Variants in MCF2L observed in about 807,000 individuals in gnomAD.
The protein encoded by MCF2L is MCF.2 cell line derived transforming sequence like, also known as guanine nucleotide exchange factor DBS.
Under a neutral mutation model 153.4 loss-of-function variants are expected in MCF2L, and 97 were observed. The observed-to-expected ratio is 0.63, with a 90% CI of 0.54 to 0.75. The LOEUF (loss-of-function observed/expected upper bound fraction) is 0.75. MCF2L is among the 30% of genes least tolerant of loss of function. The pLI is 0.00. For missense variants in MCF2L, 1,347 were observed against 1,495.2 expected (o/e 0.90, Z 1.64); for synonymous variants, 659 against 632.2 (o/e 1.04, Z -0.64).
chr13:113,020,536 C>G (rs147285321), intron 2 of MCF2L, among the ~76,000 whole-genome samples: 1 of 152,232 alleles, frequency 6.6e-6, no homozygotes, highest in Non-Finnish European at 1.5e-5. Flanking sequence ...ATGAAGGCAC[C>G]GGCAGATGTG....
At position 112,969,595 on chromosome 13, in the gene MCF2L, C is replaced by A; in HGVS notation, c.79+137C>A. 1 of 1,450,798 alleles carries A rather than the reference C, an allele frequency of 6.9e-7. No homozygotes were observed. Among genetic ancestry groups the A allele is most frequent in the South Asian group, 1.4e-5 (1 of 73,826 alleles). The allele number at this position is 1,450,798 out of a possible 1,614,324, so 89.9% of individuals were successfully genotyped here. On this transcript the variant is annotated intron_variant, in intron 1 of 29. Coordinates refer to ENST00000535094, the MANE Select transcript of MCF2L (RefSeq NM_001112732.3). This position sits in a 1 kb window ranked among gnomAD's most constrained non-coding sequence, Gnocchi z 4.8. ...CGTGGTAGCTGTGACATGGGGGGCA[C>A]TGGTTGGCAGCTGGTGTGTTTTCAG...
At chr13:113,007,893 T>TA (rs1555363736) in intron 1 of MCF2L, among the ~76,000 whole-genome samples, 1 of 151,168 alleles carries the variant, frequency 6.6e-6, no homozygotes, top group Non-Finnish European at 1.5e-5. Flanking sequence ...AATGGGTTTT[T>TA]AGTATGTGTA....
intron 2 of MCF2L, among the ~76,000 whole-genome samples, chr13:112,906,085 T>A (rs989162085): frequency 2.0e-5 from 3 of 152,192 alleles, no homozygotes; most frequent in Admixed American, 6.5e-5. Flanking sequence ...TGGGTAAACA[T>A]TGATGAGCTT....
At chr13:113,029,433 T>G (rs1354602124) in intron 3 of MCF2L, among the ~76,000 whole-genome samples, 2 of 152,178 alleles carry the variant, frequency 1.3e-5, no homozygotes, top group Non-Finnish European at 2.9e-5. Context: ...CAGAGTGTGT[T>G]AAAAATGTGG....
intron 1 of MCF2L, among the ~76,000 whole-genome samples, chr13:112,987,323 G>A (rs541574945): frequency 6.6e-6 from 1 of 152,364 alleles, no homozygotes; most frequent in Admixed American, 6.5e-5. Flanking sequence ...CCTTGTGGAC[G>A]CAGCCCAGGG....
chr13:112,981,660 C>G (rs1055105883), intron 1 of MCF2L, among the ~76,000 whole-genome samples: 1 of 152,254 alleles, frequency 6.6e-6, no homozygotes, highest in Non-Finnish European at 1.5e-5. Context: ...GGATGACCAC[C>G]AGCTCCTGGC....
intron 2 of MCF2L, among the ~76,000 whole-genome samples, chr13:112,929,048 C>G (rs763837653): frequency 1.3e-5 from 2 of 152,216 alleles, no homozygotes; most frequent in African/African-American, 2.4e-5. Flanking sequence ...AGATGACAAA[C>G]AGAGGTTCAG....
intron 1 of MCF2L, among the ~76,000 whole-genome samples, chr13:112,997,991 G>A (rs1008190447): frequency 2.6e-5 from 4 of 152,126 alleles, no homozygotes; most frequent in Admixed American, 6.5e-5. Context: ...CCGGTGCGTC[G>A]GCTCTGTGCC....
intron 2 of MCF2L, among the ~76,000 whole-genome samples, chr13:113,015,505 C>T (rs866620973): frequency 7.9e-5 from 12 of 152,158 alleles, no homozygotes; most frequent in Admixed American, 2.0e-4. Context: ...GAGGGTGCCC[C>T]GATGCCGAGG....
chr13:112,917,590 G>A (rs1204297478), intron 2 of MCF2L: 1 of 180,172 alleles, frequency 5.6e-6, no homozygotes. Context: ...CCCTCCGGTG[G>A]CCCACCTGGC....
At position 113,000,014 on chromosome 13, in the gene MCF2L, AG is replaced by A. The variant is rs201823572; in HGVS notation, c.80-14747del. Among the ~76,000 whole-genome samples, 691 of 148,878 alleles carry A rather than the reference AG, an allele frequency of 4.6e-3. 18 individuals carry two copies. The East Asian group carries it at 0.096, about 21-fold the overall frequency. On this transcript the variant is annotated intron_variant, in intron 1 of 29. Transcript: ENST00000535094. The stretch of plus-strand genomic sequence containing the variant: ...GTGGGCCGGGAATGAAGACGCCGGC[AG>A]GCCCCAGAGTGGAGGCAGGGCTGAG...
chr13:113,001,901 A>C (rs1315189200), intron 1 of MCF2L: 1 of 1,590,998 alleles, frequency 6.3e-7, no homozygotes, highest in Non-Finnish European at 8.5e-7. Flanking sequence ...CCTGACTCGC[A>C]CTGGGCAGCA....
Position 113,074,131 on chromosome 13 carries a change from A to G in MCF2L, c.997-313A>G, listed in dbSNP as rs2033190304. On this transcript the variant is annotated intron_variant, in intron 9 of 29. Transcript: ENST00000535094. The surrounding 1 kb of genome is among the most constrained non-coding windows in gnomAD (Gnocchi z 4.2). The stretch of plus-strand genomic sequence containing the variant: ...CTCCCAGGGCCTTTGTCCTTGCGTG[A>G]TCTCATCTTCTCCTCATGCTGTTTT... 1.3e-5 allele frequency among the ~76,000 whole-genome samples: 2 copies of G among 150,102 alleles called. No individual in the cohort carries two copies.
At chr13:113,032,515 T>C (rs1401694769) in intron 3 of MCF2L, among the ~76,000 whole-genome samples, 1 of 152,196 alleles carries the variant, frequency 6.6e-6, no homozygotes, top group Admixed American at 6.5e-5. Context: ...TTCAGCGGTG[T>C]GTCGTGGCGC....
chr13:112,933,619 C>G (rs1288107690), intron 2 of MCF2L, among the ~76,000 whole-genome samples: 1 of 152,232 alleles, frequency 6.6e-6, no homozygotes, highest in Non-Finnish European at 1.5e-5. Flanking sequence ...TTTATTATTT[C>G]AGCACAAATA....
chr13:113,078,124 G>A (rs12877120), intron 13 of MCF2L, among the ~76,000 whole-genome samples: 2,906 of 148,734 alleles, frequency 0.02, 55 homozygotes, highest in Middle Eastern at 0.032. Flanking sequence ...TCCTGCCCAC[G>A]CCACCACCTG....
In MCF2L at chr13:113,027,764, T is replaced by C. The variant is rs2085403586; in HGVS notation, c.278+3006T>C. Among the ~76,000 whole-genome samples, 5 of 152,168 alleles carry C rather than the reference T, an allele frequency of 3.3e-5. No individual in the cohort carries two copies. Among genetic ancestry groups the C allele is most frequent in the Admixed American group, 3.3e-4 (5 of 15,290 alleles). ...GAAGGCAGTTATTAAGCCCATGTTA[T>C]AGATGAGGCTTAATAACACGGTGAT... On this transcript the variant is annotated intron_variant, in intron 3 of 29. Transcript: ENST00000535094. This position sits in a 1 kb window ranked among gnomAD's most constrained non-coding sequence, Gnocchi z 4.8.
intron 2 of MCF2L, among the ~76,000 whole-genome samples, chr13:112,923,297 T>G (rs1793320142): frequency 7.1e-6 from 1 of 141,110 alleles, no homozygotes; most frequent in Non-Finnish European, 1.5e-5. Context: ...GGAGTCTTGC[T>G]CTGTCACCCA....
chr13:113,050,678 GGGGTGGCTGGGGGAGC>G (rs2087199373), intron 4 of MCF2L, among the ~76,000 whole-genome samples: 1 of 95,662 alleles, frequency 1.0e-5, no homozygotes, highest in African/African-American at 4.6e-5. Context: ...GGTGGAGGGG[GGGGTGGCTGGGGGAGC>G]GGGGAGGCGG....
Sources: gnomAD v4.1 joint callset for allele counts (sites outside exome capture counted in the v4.1 genomes callset) on GRCh38, gnomAD v4.1.1 for gene constraint, Gnocchi (gnomAD v3.1) non-coding constraint, MANE v1.5 for transcripts, NCBI Gene and HGNC (gene_info 2026-07-23, HGNC 2026-07-21) for gene names.